The following SLC2A13 variants were observed in gnomAD, a reference collection of about 807,000 sequenced individuals.
SLC2A13 encodes solute carrier family 2 member 13, also known as proton myo-inositol cotransporter.
A neutral mutation model predicts 64.4 loss-of-function variants in SLC2A13; 32 were observed. The observed-to-expected ratio is 0.50, with a 90% CI of 0.37 to 0.67. The LOEUF (loss-of-function observed/expected upper bound fraction) is 0.67. Among genes scored for constraint, SLC2A13 ranks in the 30% least tolerant of loss-of-function variants. The pLI is 0.00. For synonymous variants in SLC2A13, 338 were observed against 327.1 expected (o/e 1.03, Z -0.36); for missense variants, 743 against 829.2 (o/e 0.90, Z 1.28).
At chr12:39,935,624 TAATA>T (rs1257726344) in intron 4 of SLC2A13, among the ~76,000 whole-genome samples, 2 of 152,174 alleles carry the variant, frequency 1.3e-5, no homozygotes, top group East Asian at 1.9e-4. Context: ...AGTTATAATA[TAATA>T]AATAACTATT....
intron 6 of SLC2A13, among the ~76,000 whole-genome samples, chr12:39,838,623 A>C (rs1943093116): frequency 6.6e-6 from 1 of 152,094 alleles, no homozygotes; most frequent in South Asian, 2.1e-4. Context: ...CAATTAAAGT[A>C]AAAAAGAGCA....
At chr12:39,785,121 CA>C (rs1167226569) in intron 7 of SLC2A13, among the ~76,000 whole-genome samples, 1 of 152,174 alleles carries the variant, frequency 6.6e-6, no homozygotes, top group Non-Finnish European at 1.5e-5. Flanking sequence ...TGTGAATCCC[CA>C]AGACCATGGG....
chr12:40,013,075 T>C (rs1032226935), intron 3 of SLC2A13, among the ~76,000 whole-genome samples: 8 of 152,122 alleles, frequency 5.3e-5, no homozygotes, highest in African/African-American at 1.9e-4. Context: ...ACAGTAAAAA[T>C]GTTTTTAGTT....
At chr12:39,993,567 T>C (rs947833800) in intron 3 of SLC2A13, among the ~76,000 whole-genome samples, 2 of 152,238 alleles carry the variant, frequency 1.3e-5, no homozygotes, top group African/African-American at 4.8e-5. Flanking sequence ...TACTAACACA[T>C]ATCCTTCATA....
chr12:40,057,822 A>T (rs1370889289), intron 1 of SLC2A13, among the ~76,000 whole-genome samples: 3 of 152,198 alleles, frequency 2.0e-5, no homozygotes, highest in African/African-American at 7.2e-5. Context: ...CACAGTTTAT[A>T]GGGCAACATA....
chr12:39,935,177 C>T (rs1169897493), intron 4 of SLC2A13, among the ~76,000 whole-genome samples: 1 of 152,090 alleles, frequency 6.6e-6, no homozygotes, highest in Non-Finnish European at 1.5e-5. Context: ...ATAGCTTGAG[C>T]CCAGGAGTTT....
chr12:39,916,002 G>T (rs1945516093), intron 4 of SLC2A13, among the ~76,000 whole-genome samples: 1 of 151,782 alleles, frequency 6.6e-6, no homozygotes, highest in Admixed American at 6.6e-5. Flanking sequence ...CTATTTCCAA[G>T]AATTTAATCA....
chr12:40,102,530 C>T (rs1939184408), intron 1 of SLC2A13, among the ~76,000 whole-genome samples: 1 of 152,028 alleles, frequency 6.6e-6, no homozygotes, highest in Non-Finnish European at 1.5e-5. Context: ...AATCCTTGAC[C>T]CACATGGGCC....
intron 3 of SLC2A13, among the ~76,000 whole-genome samples, chr12:40,019,538 G>A (rs995593942): frequency 9.2e-5 from 14 of 152,120 alleles, no homozygotes; most frequent in African/African-American, 3.4e-4. Context: ...GTACAACGTG[G>A]ATTATAATGT....
chr12:39,803,628 G>A (rs1941877851), intron 7 of SLC2A13, among the ~76,000 whole-genome samples: 1 of 151,950 alleles, frequency 6.6e-6, no homozygotes, highest in Non-Finnish European at 1.5e-5. Flanking sequence ...ATGCTAACCA[G>A]CAAACTGGAT....
intron 4 of SLC2A13, among the ~76,000 whole-genome samples, chr12:39,899,460 T>C (rs996518497): frequency 1.8e-4 from 27 of 152,080 alleles, no homozygotes; most frequent in African/African-American, 6.5e-4. Flanking sequence ...TTTTAAAGGG[T>C]TTTTTGTGTC....
intron 3 of SLC2A13, among the ~76,000 whole-genome samples, chr12:40,017,446 A>T (rs1947638334): frequency 6.6e-6 from 1 of 152,126 alleles, no homozygotes; most frequent in Non-Finnish European, 1.5e-5. Context: ...TTCTTTAAGG[A>T]TTTCCTCATT....
intron 7 of SLC2A13, among the ~76,000 whole-genome samples, chr12:39,800,654 T>G: frequency 3.5e-5 from 1 of 28,966 alleles, no homozygotes; most frequent in Non-Finnish European, 7.1e-5. Context: ...GGTGGGACTG[T>G]AAACTAGTTC....
chr12:39,856,949 G>T (rs533288214), intron 6 of SLC2A13, among the ~76,000 whole-genome samples: 1 of 152,232 alleles, frequency 6.6e-6, no homozygotes, highest in East Asian at 1.9e-4. Context: ...TACACCAGAC[G>T]CTGATTCCAG....
At chr12:39,917,692 G>A (rs954785821) in intron 4 of SLC2A13, among the ~76,000 whole-genome samples, 6 of 151,966 alleles carry the variant, frequency 3.9e-5, no homozygotes, top group East Asian at 1.9e-4. Context: ...GCAGGTTTTC[G>A]GACTCAGTGA....
intron 1 of SLC2A13, among the ~76,000 whole-genome samples, chr12:40,089,307 T>G (rs1163688371): frequency 6.6e-6 from 1 of 152,138 alleles, no homozygotes; most frequent in East Asian, 1.9e-4. Flanking sequence ...CCAAAAGTAA[T>G]CAAATAGAAT....
At chr12:39,937,306 A>C (rs1470300840) in intron 4 of SLC2A13, among the ~76,000 whole-genome samples, 3 of 152,194 alleles carry the variant, frequency 2.0e-5, no homozygotes, top group Non-Finnish European at 2.9e-5. Context: ...AAATGGTGTA[A>C]GTCATATTGT....
intron 4 of SLC2A13, among the ~76,000 whole-genome samples, chr12:39,878,553 A>T (rs1028503460): frequency 1.3e-5 from 2 of 152,188 alleles, no homozygotes; most frequent in African/African-American, 4.8e-5. Flanking sequence ...CTTGAGATTG[A>T]TTACTACAGT....
intron 7 of SLC2A13, among the ~76,000 whole-genome samples, chr12:39,769,023 G>C (rs201519878): frequency 1.3e-5 from 2 of 152,006 alleles, no homozygotes; most frequent in East Asian, 3.9e-4. Flanking sequence ...TCCCAACCCG[G>C]TGTGGCTTAT....
Sources: allele counts gnomAD v4.1 joint callset (sites outside exome capture counted in the v4.1 genomes callset), GRCh38; gene constraint gnomAD v4.1.1; transcripts MANE v1.5; gene names NCBI Gene and HGNC (gene_info 2026-07-23, HGNC 2026-07-21).